PTPRD: variants seen among roughly 807,000 people sequenced by gnomAD.
PTPRD encodes receptor-type tyrosine-protein phosphatase delta.
Under a neutral mutation model 214.5 loss-of-function variants are expected in PTPRD, and 34 were observed. That is an observed-to-expected ratio of 0.16 (90% CI 0.12 to 0.21). The LOEUF is 0.21. Ranked by LOEUF, PTPRD falls within the 10% of genes least tolerant of loss-of-function variation. PTPRD has a pLI of 1.00. For missense variants in PTPRD, 2,545 were observed against 2,398.7 expected, an observed-to-expected ratio of 1.06 and a Z score of -1.27; for synonymous variants, 1,128 against 845.7, an observed-to-expected ratio of 1.33 and a Z score of -5.79.
At chr9:8,609,646 T>C (rs1328207917) in intron 14 of PTPRD, among the ~76,000 whole-genome samples, 1 of 152,136 alleles carries the variant, frequency 6.6e-6, no homozygotes, top group Non-Finnish European at 1.5e-5. Context: ...TAAAATTAAA[T>C]AAAAATTATA....
intron 11 of PTPRD, among the ~76,000 whole-genome samples, chr9:8,972,931 A>G (rs892684762): frequency 2.6e-5 from 4 of 151,830 alleles, no homozygotes; most frequent in Non-Finnish European, 5.9e-5. Flanking sequence ...GAGACGTTTA[A>G]TAGACTAGTA....
intron 4 of PTPRD, among the ~76,000 whole-genome samples, chr9:9,997,031 G>C (rs1488824362): frequency 6.6e-6 from 1 of 152,132 alleles, no homozygotes; most frequent in Non-Finnish European, 1.5e-5. Flanking sequence ...GAATTTACTA[G>C]ACAAACACTT....
chr9:9,486,839 G>T (rs997542941), intron 8 of PTPRD, among the ~76,000 whole-genome samples: 3 of 151,932 alleles, frequency 2.0e-5, no homozygotes, highest in African/African-American at 7.3e-5. Flanking sequence ...TTGTTCTTTT[G>T]TCTGTATTCA....
chr9:8,681,805 T>C (rs909448922), intron 12 of PTPRD, among the ~76,000 whole-genome samples: 3 of 152,202 alleles, frequency 2.0e-5, no homozygotes, highest in Non-Finnish European at 2.9e-5. Flanking sequence ...CTACTTAATA[T>C]AAAAAGCAAC....
chr9:10,035,207 G>A (rs2097156234), intron 3 of PTPRD, among the ~76,000 whole-genome samples: 1 of 152,178 alleles, frequency 6.6e-6, no homozygotes, highest in African/African-American at 2.4e-5. Context: ...GATCAATGAT[G>A]AGCTTTTTTT....
chr9:9,476,132 T>C (rs2095022832), intron 8 of PTPRD, among the ~76,000 whole-genome samples: 1 of 152,198 alleles, frequency 6.6e-6, no homozygotes, highest in Non-Finnish European at 1.5e-5. Context: ...CGTAGTGATA[T>C]GTCTGCCTCA....
chr9:10,310,326 T>C (rs1384500465), intron 3 of PTPRD, among the ~76,000 whole-genome samples: 1 of 152,048 alleles, frequency 6.6e-6, no homozygotes, highest in Non-Finnish European at 1.5e-5. Flanking sequence ...AAAATATACC[T>C]TCTCTTGCCC....
intron 4 of PTPRD, among the ~76,000 whole-genome samples, chr9:10,009,522 G>T (rs577908108): frequency 6.6e-6 from 1 of 151,954 alleles, no homozygotes; most frequent in Admixed American, 6.6e-5. Context: ...ATAGAAAGGA[G>T]TGTCTGGTTT....
chr9:8,597,961 T>A (rs1020535631), intron 14 of PTPRD, among the ~76,000 whole-genome samples: 3 of 152,186 alleles, frequency 2.0e-5, no homozygotes, highest in African/African-American at 4.8e-5. Context: ...AAATTACAAA[T>A]GTATTAATAA....
Position 10,252,585 on chromosome 9 carries a change from T to A in PTPRD, c.-545+88378A>T, listed in dbSNP as rs565561126. Among the ~76,000 whole-genome samples, 19 of 152,204 alleles carry A rather than the reference T, an allele frequency of 1.2e-4. No individual in the cohort carries two copies. The South Asian group carries it at 3.9e-3, about 32-fold the overall frequency. ...TATTATTCTGATATTATATATTATGTATTAATGATATTATATATTAATGAG... is the reference window on the plus strand; with the variant it reads ...TATTATTCTGATATTATATATTATGAATTAATGATATTATATATTAATGAG... On this transcript the variant is annotated intron_variant, in intron 3 of 45. Transcript: ENST00000381196.
chr9:9,362,985 TA>T (rs2056714793), intron 9 of PTPRD, among the ~76,000 whole-genome samples: 1 of 151,278 alleles, frequency 6.6e-6, no homozygotes, highest in Non-Finnish European at 1.5e-5. Context: ...GTTATCTAAT[TA>T]ACAGGAGGCA....
intron 11 of PTPRD, among the ~76,000 whole-genome samples, chr9:8,842,795 G>C (rs1460121583): frequency 6.6e-6 from 1 of 152,144 alleles, no homozygotes; most frequent in African/African-American, 2.4e-5. Context: ...CTATAATAAA[G>C]CAAAAGAGCA....
chr9:8,319,633 A>G (rs572120161), intron 45 of PTPRD, among the ~76,000 whole-genome samples, 198 bp downstream of exon 45: 3 of 152,188 alleles, frequency 2.0e-5, no homozygotes, highest in Admixed American at 2.0e-4. Flanking sequence ...AATCTCACAT[A>G]ATTTCTATAG....
chr9:9,540,658 G>A (rs946229731), intron 8 of PTPRD, among the ~76,000 whole-genome samples: 30 of 151,868 alleles, frequency 2.0e-4, no homozygotes, highest in African/African-American at 7.0e-4. Context: ...TAAAAAATAT[G>A]TTTTATTAGT....
intron 9 of PTPRD, among the ~76,000 whole-genome samples, chr9:9,210,270 A>T (rs1194567581): frequency 6.6e-6 from 1 of 152,152 alleles, no homozygotes; most frequent in Non-Finnish European, 1.5e-5. Context: ...GTAACTCTTC[A>T]AAACGAATCT....
chr9:10,421,072 A>T (rs1394856798), intron 2 of PTPRD, among the ~76,000 whole-genome samples: 1 of 151,862 alleles, frequency 6.6e-6, no homozygotes, highest in Non-Finnish European at 1.5e-5. Flanking sequence ...TGATTAGCTT[A>T]AAAAAAGAAA....
intron 4 of PTPRD, among the ~76,000 whole-genome samples, chr9:9,956,769 A>G (rs2093962405): frequency 2.6e-5 from 4 of 152,188 alleles, no homozygotes; most frequent in African/African-American, 9.6e-5. Flanking sequence ...AATAAATCAC[A>G]AGTTAGAGAG....
intron 9 of PTPRD, among the ~76,000 whole-genome samples, chr9:9,273,073 T>C (rs2132947322): frequency 6.6e-6 from 1 of 151,462 alleles, no homozygotes; most frequent in South Asian, 2.1e-4. Flanking sequence ...GTGGCAAATT[T>C]GAATTTGAGT....
chr9:8,947,628 C>T (rs1254254588), intron 11 of PTPRD, among the ~76,000 whole-genome samples: 3 of 151,972 alleles, frequency 2.0e-5, no homozygotes, highest in African/African-American at 7.3e-5. Context: ...TCTTAGGGTC[C>T]AGATGAACTC....
Sources: allele counts gnomAD v4.1 joint callset (sites outside exome capture counted in the v4.1 genomes callset), GRCh38; gene constraint gnomAD v4.1.1; transcripts MANE v1.5; gene names NCBI Gene and HGNC (gene_info 2026-07-23, HGNC 2026-07-21).